Variants in AVIL observed in about 807,000 individuals in gnomAD.
AVIL encodes the protein advillin.
Under a neutral mutation model 109.9 loss-of-function variants are expected in AVIL, and 78 were observed. That is an observed-to-expected ratio of 0.71 (90% CI 0.59 to 0.86). The LOEUF is 0.86. Among genes scored for constraint, AVIL ranks in the 40% least tolerant of loss-of-function variants. The pLI, the probability that AVIL is intolerant of heterozygous loss-of-function variation, is 0.00. For synonymous variants in AVIL, 367 were observed against 379.1 expected (o/e 0.97, Z 0.37); for missense variants, 892 against 1,016.5 (o/e 0.88, Z 1.67).
rs770013380 is a variant in AVIL, at chr12:57,803,541, G to A, written c.1800C>T (p.Pro600=). Residue 600 remains proline, a synonymous_variant, in exon 15 of 20, where the codon CCC becomes CCT. Transcript: ENST00000549994. The part of the protein sequence containing the change: ...EFWDLLGGKT[P]YANDKRLQQE... ...TCCCATACCTTTTATCATTGGCATA[G>A]GGAGTTTTCCCTCCCAGTAGGTCCC... 6.2e-7 allele frequency: 1 copy of A among 1,614,180 alleles called. No individual in the cohort carries two copies. The highest frequency in any genetic ancestry group is 2.2e-5 in the East Asian group (1 of 44,884).
rs778773941 is a variant in AVIL, at chr12:57,807,662, C to G, written c.1260G>C (p.Gly420=). The G allele has an allele frequency of 1.9e-5, 30 of 1,614,066 alleles. No individual in the cohort carries two copies. Among genetic ancestry groups the G allele is most frequent in the Non-Finnish European group, 1.7e-5 (20 of 1,180,050 alleles). ...TGTAGAGGACCAGATAACAGTCTCC[C>G]CCATAAAAGAAGCCATACCATTGAT... ...VEYQWYGFFY[G]GDCYLVLYTY... is the part of the protein sequence containing the mutation. Residue 420 remains glycine (G), a synonymous_variant, in exon 12 of 20, where the codon GGG becomes GGC. Coordinates refer to ENST00000549994, the MANE Select transcript of AVIL (RefSeq NM_006576.4).
intron 2 of AVIL, chr12:57,814,706 GT>G (rs1306787309): frequency 3.1e-5 from 5 of 159,610 alleles, no homozygotes; most frequent in African/African-American, 1.2e-4. Flanking sequence ...CATTTGGAGA[GT>G]GCCAGCGGTC....
chr12:57,810,432 G>T lies in AVIL; in HGVS notation c.678C>A (p.Thr226=). Residue 226 remains threonine (T), a synonymous_variant, in exon 7 of 20, where the codon ACC becomes ACA. Coordinates refer to ENST00000549994, the MANE Select transcript of AVIL (RefSeq NM_006576.4). ...SPELMKVLQD[T]LGRRSIIKPT... ...GCTTGATAATGGAGCGTCGGCCAAG[G>T]GTGTCCTGAAGGACCTTCATCAGCT... The T allele has an allele frequency of 6.2e-7, 1 of 1,614,098 alleles. No individual in the cohort carries two copies. Among genetic ancestry groups the T allele is most frequent in the Non-Finnish European group, 8.5e-7 (1 of 1,180,026 alleles).
rs376279230 is a variant in AVIL at position 57,799,833 on chromosome 12, G to A, written c.2308C>T (p.Gln770Ter). 2.5e-6 allele frequency: 4 copies of A among 1,614,014 alleles called. No individual in the cohort carries two copies. In the East Asian group the frequency reaches 8.9e-5, roughly 36 times the overall value. Residue 770 changes from glutamine (Q) to a stop codon, truncating the protein, a stop_gained, in exon 19 of 20, where the codon CAG becomes TAG. Coordinates refer to ENST00000549994, the MANE Select transcript of AVIL (RefSeq NM_006576.4). LOFTEE classifies it high-confidence loss of function. Reference sequence around the variant, plus strand: ...GGGTTTACATCCTCAGGCAGCTCCTGATTCTGGTTTTTCAACAGAACTGCT... The same window carrying A: ...GGGTTTACATCCTCAGGCAGCTCCTAATTCTGGTTTTTCAACAGAACTGCT... ...PIAVLLKNQN[Q>*]ELPEDVNPAK...
Position 57,810,901 on chromosome 12 carries a change from T to G in AVIL, c.473A>C (p.Asn158Thr). The G allele has an allele frequency of 6.2e-7, 1 of 1,614,194 alleles. No homozygotes were observed. Residue 158 changes from asparagine (N) to threonine (T), a missense_variant, in exon 6 of 20, where the codon AAC (asparagine) becomes ACC (threonine). Asn to Thr is a moderately conservative substitution (Grantham distance 65). Transcript: ENST00000549994. ...GTCCAGCAAGAAGACATCACCTCGG[T>G]TGAAACTGTCCCAGCTCATTTCCAC... ...TEVEMSWDSF[N>T]RGDVFLLDLG... is the part of the protein sequence containing the mutation.
rs1484115217 is a variant in AVIL, at chr12:57,811,084, T to C, written c.382A>G (p.Thr128Ala). The change falls in exon 5 of 20, where the codon ACC (threonine) becomes GCC (alanine). Residue 128 changes from threonine (T) to alanine (A), a missense_variant. Physicochemically the swap from Thr to Ala is moderately conservative, Grantham distance 58 (BLOSUM62 0). Transcript: ENST00000549994. The stretch of plus-strand genomic sequence containing the variant: ...AGCCGCTTCACGTCGTAGGTATTGG[T>C]CTCCACGTGCTTCATCCCAGAGGCG... ...GVASGMKHVETNTYDVKRLLH... is the reference protein window; with the variant it reads ...GVASGMKHVEANTYDVKRLLH... 1 of 1,614,104 alleles carries C rather than the reference T, an allele frequency of 6.2e-7. No individual in the cohort carries two copies. Among genetic ancestry groups the C allele is most frequent in the South Asian group, 1.1e-5 (1 of 91,080 alleles).
chr12:57,815,583 C>A, intron 2 of AVIL: 1 of 1,261,324 alleles, frequency 7.9e-7, no homozygotes, highest in African/African-American at 1.5e-5. Context: ...CTCACCTCTC[C>A]CCATATTTTG....
At chr12:57,802,657 A>C in intron 16 of AVIL, 1 of 657,936 alleles carries the variant, frequency 1.5e-6, no homozygotes, top group Non-Finnish European at 2.7e-6. Flanking sequence ...TAAAAATAAC[A>C]CCTTCAGGAT....
In AVIL at chr12:57,810,931, CGAT is replaced by C. The variant is rs770134114; in HGVS notation, c.448-8_448-6del. 2.0e-5 allele frequency: 32 copies of C among 1,613,972 alleles called. 1 individual carries two copies. In the Admixed American group the frequency reaches 2.8e-4, roughly 14 times the overall value. On this transcript the variant is annotated splice_region_variant and splice_polypyrimidine_tract_variant and intron_variant, in intron 5 of 19. Coordinates refer to ENST00000549994, the MANE Select transcript of AVIL (RefSeq NM_006576.4). The stretch of plus-strand genomic sequence containing the variant: ...ACTGTCCCAGCTCATTTCCACCTGT[CGAT>C]GAGAGGTAAACATTGTTCAGGAGGA...
chr12:57,813,157 A>T, intron 4 of AVIL, 70 bp downstream of exon 4: 9 of 1,485,928 alleles, frequency 6.1e-6, no homozygotes, highest in Non-Finnish European at 7.3e-6. Flanking sequence ...TTGATAATGC[A>T]TGTTGGCCTT....
chr12:57,799,828 C>T lies in AVIL; in HGVS notation c.2313G>A (p.Glu771=). 6.2e-7 allele frequency: 1 copy of T among 1,614,126 alleles called. No individual in the cohort carries two copies. The highest frequency in any genetic ancestry group is 1.6e-4 in the Middle Eastern group (1 of 6,062). Residue 771 remains glutamate (E), a synonymous_variant, in exon 19 of 20, where the codon GAG becomes GAA. Transcript: ENST00000549994. ...TGGCAGGGTTTACATCCTCAGGCAG[C>T]TCCTGATTCTGGTTTTTCAACAGAA... ...IAVLLKNQNQ[E]LPEDVNPAKK... is the part of the protein sequence containing the mutation.
intron 19 of AVIL, among the ~76,000 whole-genome samples, chr12:57,798,462 A>G (rs1384274566): frequency 6.6e-6 from 1 of 152,206 alleles, no homozygotes; most frequent in Non-Finnish European, 1.5e-5. Context: ...GAATATTTAT[A>G]TACAAGTAAA....
chr12:57,803,992 A>G (rs1241581215), intron 14 of AVIL: 5 of 225,260 alleles, frequency 2.2e-5, no homozygotes, highest in Admixed American at 1.0e-4. Flanking sequence ...AAAAGTACAT[A>G]CAATAAAATA....
At chr12:57,815,856 T>A (rs1480848953) in intron 2 of AVIL, 119 bp downstream of exon 2, 1 of 1,558,176 alleles carries the variant, frequency 6.4e-7, no homozygotes, top group Admixed American at 1.9e-5. Flanking sequence ...ATGCTGCCTC[T>A]CATTCTCCTC....
chr12:57,807,365 A>G lies in AVIL; in HGVS notation c.1457T>C (p.Met486Thr), dbSNP rs1172256195. ...AACTAGCTTCCCTTTGAAGATGGCC[A>G]TGAAGTGGCGTGGCTCCGTTCCCAT... The part of the protein sequence containing the change: ...VRMGTEPRHF[M>T]AIFKGKLVIF... Residue 486 changes from methionine to threonine, a missense_variant, in exon 13 of 20, where the codon ATG (methionine) becomes ACG (threonine). Transcript: ENST00000549994. 13 of 1,614,088 alleles carry G rather than the reference A, an allele frequency of 8.1e-6. No homozygotes were observed. The highest frequency in any genetic ancestry group is 3.3e-4 in the Middle Eastern group (2 of 6,084).
Position 57,797,789 on chromosome 12 carries a change from ATGTC to A in AVIL, c.*89_*92del, listed in dbSNP as rs1955765618. ...TATTATATCTAAATTAAGTAGCTGA[ATGTC>A]AGGCAGAAATTGGTGGATAAATTAT... On this transcript the variant is annotated 3_prime_UTR_variant, in exon 20 of 20. Coordinates refer to ENST00000549994, the MANE Select transcript of AVIL (RefSeq NM_006576.4). 2.0e-6 allele frequency: 2 copies of A among 1,024,928 alleles called. No homozygotes were observed. Among genetic ancestry groups the A allele is most frequent in the Non-Finnish European group, 2.7e-6 (2 of 738,708 alleles). The allele number at this position is 1,024,928 out of a possible 1,614,324, so 63.5% of individuals were successfully genotyped here.
chr12:57,813,270 G>A lies in AVIL; in HGVS notation c.295C>T (p.His99Tyr), dbSNP rs1165316727. ...SPVQHREVQY[H>Y]ESDTFRGYFK... The stretch of plus-strand genomic sequence containing the variant: ...TAGCCACGGAAAGTGTCTGACTCAT[G>A]GTACTGGACCTCTCGGTGCTGCACA... Residue 99 changes from histidine (H) to tyrosine (Y), a missense_variant, in exon 4 of 20, where the codon CAT becomes TAT. Transcript: ENST00000549994. 3 of 1,613,786 alleles carry A rather than the reference G, an allele frequency of 1.9e-6. No individual in the cohort carries two copies. The highest frequency in any genetic ancestry group is 2.5e-6 in the Non-Finnish European group (3 of 1,179,942).
Position 57,817,462 on chromosome 12 carries a change from C to T in AVIL, c.-20+1167G>A, listed in dbSNP as rs573309092. ...AAAGCAAGGCAATGGTGCGGAGCAG[C>T]CAGTGTTTGAGAATTTAATTTGATA... On this transcript the variant is annotated intron_variant, in intron 1 of 19. Transcript: ENST00000549994. Among the ~76,000 whole-genome samples the T allele has an allele frequency of 3.5e-4, 53 of 151,724 alleles. 1 individual carries two copies. The highest frequency in any genetic ancestry group is 1.2e-3 in the African/African-American group (48 of 41,306).
intron 14 of AVIL, among the ~76,000 whole-genome samples, chr12:57,804,768 C>T (rs1410889630): frequency 1.3e-5 from 2 of 150,616 alleles, no homozygotes; most frequent in East Asian, 2.0e-4. Flanking sequence ...AAGATCGCGC[C>T]ACTGCACTCC....
Sources: allele counts gnomAD v4.1 joint callset (sites outside exome capture counted in the v4.1 genomes callset), GRCh38; gene constraint gnomAD v4.1.1; transcripts MANE v1.5; gene names NCBI Gene and HGNC (gene_info 2026-07-23, HGNC 2026-07-21).